The following SHISA9 variants were observed in gnomAD, a reference collection of about 807,000 sequenced individuals.
SHISA9 encodes the protein protein shisa-9.
In SHISA9, 13 loss-of-function variants were observed where a neutral mutation model predicts 38.0. The observed-to-expected ratio is 0.34, with a 90% CI of 0.22 to 0.54. The LOEUF (loss-of-function observed/expected upper bound fraction) is 0.54. Among genes scored for constraint, SHISA9 ranks in the 20% least tolerant of loss-of-function variants. SHISA9 has a pLI of 0.91. For missense variants in SHISA9, 538 were observed against 575.8 expected (o/e 0.93, Z 0.67); for synonymous variants, 275 against 242.0 (o/e 1.14, Z -1.27).
At chr16:12,993,242 G>T (rs779464223) in intron 2 of SHISA9, among the ~76,000 whole-genome samples, 4 of 152,142 alleles carry the variant, frequency 2.6e-5, no homozygotes, top group Non-Finnish European at 5.9e-5. Context: ...TATTTTTGAG[G>T]CTGGGTTTGG....
chr16:13,088,847 G>T (rs1451776395), intron 2 of SHISA9, among the ~76,000 whole-genome samples: 1 of 152,162 alleles, frequency 6.6e-6, no homozygotes, highest in Non-Finnish European at 1.5e-5. Context: ...CCAACACTAT[G>T]TTGAATAGCA....
chr16:13,501,251 T>C, the SHISA9 span, among the ~76,000 whole-genome samples: 2 of 152,104 alleles, frequency 1.3e-5, no homozygotes, highest in Non-Finnish European at 1.5e-5. Context: ...CTGCAAACAT[T>C]CTACAATACT....
intron 2 of SHISA9, among the ~76,000 whole-genome samples, chr16:13,155,763 T>C (rs1326175821): frequency 6.6e-6 from 1 of 152,154 alleles, no homozygotes; most frequent in Non-Finnish European, 1.5e-5. Context: ...GTGAAGTCCA[T>C]GATATTATTT....
the SHISA9 span, among the ~76,000 whole-genome samples, chr16:13,315,109 C>T: frequency 6.6e-6 from 1 of 152,098 alleles, no homozygotes; most frequent in Admixed American, 6.5e-5. Flanking sequence ...ATCTCAGATG[C>T]AGCAAAGAGA....
At chr16:13,161,908 T>C (rs1382033058) in intron 2 of SHISA9, among the ~76,000 whole-genome samples, 2 of 152,238 alleles carry the variant, frequency 1.3e-5, no homozygotes, top group Non-Finnish European at 2.9e-5. Context: ...TTATTGGTGA[T>C]ACACATTGCA....
chr16:13,238,979 TC>T lies in SHISA9; in HGVS notation c.*3576del, dbSNP rs1244296791. The T allele has an allele frequency of 1.3e-5, 1 of 75,626 alleles. No homozygotes were observed. Among genetic ancestry groups the T allele is most frequent in the African/African-American group, 5.2e-5 (1 of 19,146 alleles). The allele number at this position is 75,626 out of a possible 1,614,324, so 4.7% of individuals were successfully genotyped here. A position where few individuals can be genotyped will look rare whatever the true frequency, so the allele number is the denominator to read the frequency against. ...TAGCTATATCTCCTAATGCTATCCC[TC>T]CCCCCTCCCCCCACCCCACAACAGT... On this transcript the variant is annotated 3_prime_UTR_variant, in exon 5 of 5. Transcript: ENST00000558583.
At chr16:13,227,450 G>A (rs1210731075) in intron 4 of SHISA9, among the ~76,000 whole-genome samples, 1 of 152,178 alleles carries the variant, frequency 6.6e-6, no homozygotes, top group Non-Finnish European at 1.5e-5. Flanking sequence ...CAAATTTCTG[G>A]CATAAGTGGC....
At chr16:12,993,436 A>T (rs910266045) in intron 2 of SHISA9, among the ~76,000 whole-genome samples, 1 of 152,198 alleles carries the variant, frequency 6.6e-6, no homozygotes, top group Non-Finnish European at 1.5e-5. Context: ...TAGGTGCATC[A>T]TTCTACCTTT....
At chr16:13,477,240 A>G in the SHISA9 span, among the ~76,000 whole-genome samples, 1 of 152,220 alleles carries the variant, frequency 6.6e-6, no homozygotes, top group Non-Finnish European at 1.5e-5. Context: ...AATTATTTCA[A>G]TGCAGTAGAC....
chr16:13,019,141 G>C (rs1466872173), intron 2 of SHISA9, among the ~76,000 whole-genome samples: 1 of 151,888 alleles, frequency 6.6e-6, no homozygotes, highest in Non-Finnish European at 1.5e-5. Context: ...CTGGAATTAT[G>C]GGCACTCACC....
downstream of SHISA9, among the ~76,000 whole-genome samples, chr16:13,243,034 T>A (rs1313261537): frequency 1.3e-5 from 2 of 151,570 alleles, no homozygotes; most frequent in African/African-American, 4.8e-5. Context: ...AGGTCAGGAG[T>A]TCGAGACCAG....
chr16:13,268,658 CG>C, the SHISA9 span, among the ~76,000 whole-genome samples: 1 of 152,166 alleles, frequency 6.6e-6, no homozygotes, highest in African/African-American at 2.4e-5. Context: ...TCAATGTGAG[CG>C]TATTTTCCTT....
chr16:12,916,154 T>G (rs1361869067), intron 1 of SHISA9, among the ~76,000 whole-genome samples: 1 of 152,140 alleles, frequency 6.6e-6, no homozygotes, highest in Non-Finnish European at 1.5e-5. Context: ...TCTGTGACCT[T>G]GAGCAGGTCG....
chr16:12,940,229 T>C (rs1342020813), intron 2 of SHISA9, among the ~76,000 whole-genome samples: 2 of 152,180 alleles, frequency 1.3e-5, no homozygotes, highest in Non-Finnish European at 2.9e-5. Flanking sequence ...CATCTTGCCA[T>C]TGTTAGATAC....
chr16:12,946,349 C>A (rs796486536), intron 2 of SHISA9, among the ~76,000 whole-genome samples: 5 of 152,230 alleles, frequency 3.3e-5, no homozygotes, highest in South Asian at 2.1e-4. Context: ...GGGAAAGATA[C>A]AACTTGAAAG....
At chr16:13,461,848 C>A in the SHISA9 span, among the ~76,000 whole-genome samples, 1 of 151,620 alleles carries the variant, frequency 6.6e-6, no homozygotes, top group Non-Finnish European at 1.5e-5. Flanking sequence ...CTCCTGACCT[C>A]GTGATCCGCC....
the SHISA9 span, among the ~76,000 whole-genome samples, chr16:13,459,606 G>A: frequency 0.026 from 3,949 of 152,166 alleles, 76 homozygotes; most frequent in Non-Finnish European, 0.043. Context: ...AGATATCACT[G>A]AAGATTTTTT....
chr16:13,301,308 A>G, the SHISA9 span, among the ~76,000 whole-genome samples: 3 of 152,230 alleles, frequency 2.0e-5, no homozygotes, highest in African/African-American at 4.8e-5. Flanking sequence ...TTTAATGTGC[A>G]GAAGAACCAC....
the SHISA9 span, among the ~76,000 whole-genome samples, chr16:13,318,887 G>A: frequency 6.6e-6 from 1 of 152,232 alleles, no homozygotes; most frequent in South Asian, 2.1e-4. Context: ...TCTAAATCAA[G>A]TCTGAATTCC....
Sources: allele counts gnomAD v4.1 joint callset (sites outside exome capture counted in the v4.1 genomes callset), GRCh38; gene constraint gnomAD v4.1.1; transcripts MANE v1.5; gene names NCBI Gene and HGNC (gene_info 2026-07-23, HGNC 2026-07-21).